The following PAPPA variants were observed in gnomAD, a reference collection of about 807,000 sequenced individuals.
The protein encoded by PAPPA is pappalysin-1.
A neutral mutation model predicts 164.0 loss-of-function variants in PAPPA; 60 were observed. The observed-to-expected ratio is 0.37, with a 90% CI of 0.30 to 0.45. The LOEUF is 0.45. Among genes scored for constraint, PAPPA ranks in the 20% least tolerant of loss-of-function variants. The probability of loss-of-function intolerance (pLI) is 1.00; values close to 1 mark genes in which losing one functional copy is unlikely to be tolerated. For missense variants in PAPPA, 1,782 were observed against 2,087.3 expected, an observed-to-expected ratio of 0.85 and a Z score of 2.85; for synonymous variants, 875 against 814.1, an observed-to-expected ratio of 1.07 and a Z score of -1.27.
intron 17 of PAPPA, among the ~76,000 whole-genome samples, chr9:116,357,554 C>A (rs573964876): frequency 2.6e-5 from 4 of 152,172 alleles, no homozygotes; most frequent in Non-Finnish European, 4.4e-5. Flanking sequence ...GACAAGAGAG[C>A]AGGTGATGTT....
chr9:116,396,600 G>T lies in PAPPA; in HGVS notation c.4868G>T (p.Gly1623Val). The T allele has an allele frequency of 1.3e-6, 1 of 780,800 alleles. No individual in the cohort carries two copies. Among genetic ancestry groups the T allele is most frequent in the East Asian group, 2.4e-5 (1 of 41,238 alleles). 48.4% of individuals were successfully genotyped at this position (780,800 alleles called of 1,614,324 possible). A position where few individuals can be genotyped will look rare whatever the true frequency, so the allele number is the denominator to read the frequency against. ...GAACACAGCCGGAAAGACCTCCGGGGATACAGCCATGGCTAAGGAAGGACA... is the reference window on the plus strand; with the variant it reads ...GAACACAGCCGGAAAGACCTCCGGGTATACAGCCATGGCTAAGGAAGGACA... ...AQEHSRKDLR[G>V]YSHG Residue 1623 changes from glycine (G) to valine (V), a missense_variant, in exon 22 of 22, where the codon GGA becomes GTA. Around this residue, in one of 2 missense-constraint regions of PAPPA, gnomAD observed 1,324 missense variants for 1,656.9 expected, o/e 0.80. Coordinates refer to ENST00000328252, the MANE Select transcript of PAPPA (RefSeq NM_002581.5).
At chr9:116,237,901 G>C (rs1844689705) in intron 7 of PAPPA, among the ~76,000 whole-genome samples, 1 of 152,038 alleles carries the variant, frequency 6.6e-6, no homozygotes, top group African/African-American at 2.4e-5. Context: ...TGTGTTTTTA[G>C]TAGAGACGGG....
At chr9:116,293,066 G>A (rs563680230) in intron 9 of PAPPA, among the ~76,000 whole-genome samples, 4 of 152,314 alleles carry the variant, frequency 2.6e-5, no homozygotes, top group Admixed American at 6.5e-5. Flanking sequence ...TGATGACGAC[G>A]TTAATGAGAT....
At chr9:116,222,691 T>G (rs1587959240) in intron 5 of PAPPA, among the ~76,000 whole-genome samples, 1 of 151,572 alleles carries the variant, frequency 6.6e-6, no homozygotes, top group African/African-American at 2.4e-5. Flanking sequence ...CAGAGGCAGG[T>G]GGGGTGAGTG....
chr9:116,242,885 A>G (rs1183924723), intron 7 of PAPPA, among the ~76,000 whole-genome samples: 1 of 152,216 alleles, frequency 6.6e-6, no homozygotes, highest in East Asian at 1.9e-4. Flanking sequence ...TTGATGGGAA[A>G]AATATGACTT....
intron 9 of PAPPA, 108 bp from the exon 10 acceptor site, chr9:116,302,649 G>C: frequency 3.7e-6 from 3 of 811,562 alleles, no homozygotes; most frequent in Non-Finnish European, 6.0e-6. Flanking sequence ...TGATGGGCTT[G>C]ACAGTACCAA....
intron 13 of PAPPA, among the ~76,000 whole-genome samples, chr9:116,335,626 T>A (rs1190404553): frequency 6.6e-6 from 1 of 152,166 alleles, no homozygotes; most frequent in Non-Finnish European, 1.5e-5. Context: ...ATGACATCAC[T>A]CCCTCAGTGC....
chr9:116,276,344 A>G (rs192581035), intron 9 of PAPPA, among the ~76,000 whole-genome samples: 1 of 152,322 alleles, frequency 6.6e-6, no homozygotes, highest in African/African-American at 2.4e-5. Flanking sequence ...CTGAGATGGA[A>G]TCTAGTGCAT....
intron 9 of PAPPA, among the ~76,000 whole-genome samples, chr9:116,298,293 C>G (rs80147743): frequency 6.6e-6 from 1 of 152,170 alleles, no homozygotes; most frequent in African/African-American, 2.4e-5. Flanking sequence ...CCATCTGCCT[C>G]GGGCTCTTGA....
chr9:116,346,656 A>G (rs1440271778), intron 14 of PAPPA, among the ~76,000 whole-genome samples: 1 of 152,232 alleles, frequency 6.6e-6, no homozygotes, highest in Non-Finnish European at 1.5e-5. Context: ...GAAAGAAGTC[A>G]TCATGCCCTG....
In PAPPA at chr9:116,227,354, C is replaced by T. The variant is rs1844526009; in HGVS notation, c.2112-77C>T. The stretch of plus-strand genomic sequence containing the variant: ...TTTGTTGTGTCCTCTGCCCCATTGA[C>T]TCTGGCCTAGTCCCATCAGTTGCTC... On this transcript the variant is annotated intron_variant, in intron 5 of 21. Coordinates refer to ENST00000328252, the MANE Select transcript of PAPPA (RefSeq NM_002581.5). 8.7e-6 allele frequency: 13 copies of T among 1,502,294 alleles called. No homozygotes were observed. The African/African-American group carries it at 1.1e-4, about 13-fold the overall frequency. The allele number at this position is 1,502,294 out of a possible 1,614,324, so 93.1% of individuals were successfully genotyped here.
At position 116,352,888 on chromosome 9, in the gene PAPPA, G is replaced by A. The variant is rs55901693; in HGVS notation, c.4147G>A (p.Val1383Met). 6.8e-3 allele frequency: 10,971 copies of A among 1,614,034 alleles called. 65 individuals carry two copies. The highest frequency in any genetic ancestry group is 6.4e-3 in the Non-Finnish European group (7,506 of 1,179,932). Residue 1383 changes from valine to methionine, a missense_variant, in exon 16 of 22, where the codon GTG (valine) becomes ATG (methionine). Around this residue, in one of 2 missense-constraint regions of PAPPA, gnomAD observed 1,324 missense variants for 1,656.9 expected, o/e 0.80. Coordinates refer to ENST00000328252, the MANE Select transcript of PAPPA (RefSeq NM_002581.5). ...ATACAAATGCAAGCCTGGATACCAT[G>A]TGCCTGGATCCTCTCGGAAGTCAAA... is the stretch of plus-strand genomic sequence containing the variant. ...CKYKCKPGYH[V>M]PGSSRKSKKR...
intron 4 of PAPPA, among the ~76,000 whole-genome samples, chr9:116,217,994 G>T (rs765558058): frequency 6.6e-6 from 1 of 152,180 alleles, no homozygotes; most frequent in Non-Finnish European, 1.5e-5. Flanking sequence ...AAAGAAAAAA[G>T]TGTCCAATTA....
intron 6 of PAPPA, among the ~76,000 whole-genome samples, chr9:116,233,239 T>G (rs1844620138): frequency 6.6e-6 from 1 of 152,190 alleles, no homozygotes; most frequent in Non-Finnish European, 1.5e-5. Context: ...AGAGACAAAA[T>G]GACAACGATC....
intron 10 of PAPPA, among the ~76,000 whole-genome samples, chr9:116,323,353 C>G (rs1166455092): frequency 2.0e-5 from 3 of 152,108 alleles, no homozygotes; most frequent in Non-Finnish European, 4.4e-5. Flanking sequence ...CCTGGCCCGT[C>G]ACAGAGGAGC....
In PAPPA at chr9:116,195,701, G is replaced by A. The variant is rs186453485; in HGVS notation, c.1478+7485G>A. ...AGTTGTTATTGCTGCTGTTGTTTGG[G>A]AATTGCCCTCCTCCGATAGATCTTC... On this transcript the variant is annotated intron_variant, in intron 2 of 21. Transcript: ENST00000328252. Among the ~76,000 whole-genome samples, 359 of 152,232 alleles carry A rather than the reference G, an allele frequency of 2.4e-3. 3 individuals are homozygous for A. Among genetic ancestry groups the A allele is most frequent in the East Asian group, 0.014 (70 of 5,162 alleles).
chr9:116,182,254 G>A (rs1231375726), intron 1 of PAPPA, among the ~76,000 whole-genome samples: 1 of 152,208 alleles, frequency 6.6e-6, no homozygotes, highest in East Asian at 1.9e-4. Context: ...CTCTTATAGA[G>A]AAGGCAGAAA....
In PAPPA at chr9:116,378,378, C is replaced by G. The variant is rs10983122; in HGVS notation, c.4677+731C>G. ...AAAGACATTTCTGCACATCACTCTG[C>G]CCCTTGTGGCTCTTCCCAGCTGGCA... On this transcript the variant is annotated intron_variant, in intron 20 of 21. Transcript: ENST00000328252. Among the ~76,000 whole-genome samples the G allele has an allele frequency of 0.012, 1,842 of 152,250 alleles. 157 individuals are homozygous for G. The South Asian group carries it at 0.17, about 14-fold the overall frequency.
At chr9:116,387,950 A>G (rs1160086497) in intron 21 of PAPPA, among the ~76,000 whole-genome samples, 2 of 152,172 alleles carry the variant, frequency 1.3e-5, no homozygotes, top group Admixed American at 6.5e-5. Flanking sequence ...TTAAGCACTC[A>G]GCATCTTCTC....
Sources: gnomAD v4.1 joint callset for allele counts (sites outside exome capture counted in the v4.1 genomes callset) on GRCh38, gnomAD v4.1.1 for gene constraint, gnomAD v4.1.1 regional missense constraint, MANE v1.5 for transcripts, NCBI Gene and HGNC (gene_info 2026-07-23, HGNC 2026-07-21) for gene names.